The following SNTB1 variants were observed in gnomAD, a reference collection of about 807,000 sequenced individuals.
The protein encoded by SNTB1 is syntrophin beta 1.
Under a neutral mutation model 48.9 loss-of-function variants are expected in SNTB1, and 36 were observed. The ratio of observed to expected loss-of-function variants is 0.74; its 90% CI spans 0.56 to 0.97. SNTB1 has a LOEUF of 0.97. Ranked by LOEUF, SNTB1 falls within the 50% of genes least tolerant of loss-of-function variation. SNTB1 has a pLI of 0.00. For missense variants in SNTB1, 786 were observed against 703.4 expected (o/e 1.12, Z -1.33); for synonymous variants, 299 against 294.6 (o/e 1.01, Z -0.15).
intron 1 of SNTB1, among the ~76,000 whole-genome samples, chr8:120,744,057 G>A (rs983026942): frequency 2.6e-5 from 4 of 151,302 alleles, no homozygotes; most frequent in African/African-American, 9.7e-5. Context: ...TTGAGCCTAG[G>A]AGTTTGAGGC....
chr8:120,580,604 C>T (rs1371240342), intron 3 of SNTB1, among the ~76,000 whole-genome samples: 2 of 152,190 alleles, frequency 1.3e-5, no homozygotes, highest in African/African-American at 2.4e-5. Context: ...GAAGGGCCAT[C>T]ATGGCTTTTG....
rs542770350 is a variant in SNTB1, at chr8:120,540,783, G to A, written c.1524+1027C>T. On this transcript the variant is annotated intron_variant, in intron 6 of 6. Coordinates refer to ENST00000517992, the MANE Select transcript of SNTB1 (RefSeq NM_021021.4). ...AAACCAAGTGTCAGCCACGAGGAATGGCCTCCATCGTGGCTGCCTGTGGCG... is the reference window on the plus strand; with the variant it reads ...AAACCAAGTGTCAGCCACGAGGAATAGCCTCCATCGTGGCTGCCTGTGGCG... 2.6e-5 allele frequency among the ~76,000 whole-genome samples: 4 copies of A among 152,252 alleles called. No homozygotes were observed. The South Asian group carries it at 8.3e-4, about 32-fold the overall frequency.
At chr8:120,811,186 C>G in intron 1 of SNTB1, 87 bp downstream of exon 1, 1 of 1,493,534 alleles carries the variant, frequency 6.7e-7, no homozygotes. Context: ...CGCATGTGGC[C>G]GAGTGAGTGT....
intron 1 of SNTB1, among the ~76,000 whole-genome samples, chr8:120,758,029 CT>C (rs1486172963): frequency 6.6e-6 from 1 of 152,128 alleles, no homozygotes; most frequent in East Asian, 1.9e-4. Context: ...TTTATCGCTT[CT>C]GCTAACCCTA....
intron 1 of SNTB1, among the ~76,000 whole-genome samples, chr8:120,755,187 AG>A (rs1168089189): frequency 1.5e-4 from 23 of 149,294 alleles, no homozygotes; most frequent in African/African-American, 5.7e-4. Context: ...AGAGAGAGAG[AG>A]CGAGAGAGAG....
chr8:120,738,723 G>T (rs1384307515), intron 1 of SNTB1, among the ~76,000 whole-genome samples: 2 of 152,084 alleles, frequency 1.3e-5, no homozygotes, highest in African/African-American at 4.8e-5. Flanking sequence ...GCACATAAAA[G>T]TCCTATGAAA....
intron 5 of SNTB1, among the ~76,000 whole-genome samples, chr8:120,546,864 C>T (rs896900589): frequency 3.9e-5 from 6 of 152,180 alleles, no homozygotes; most frequent in African/African-American, 9.7e-5. Flanking sequence ...CATCATTTCT[C>T]TCTGTATGTT....
intron 1 of SNTB1, among the ~76,000 whole-genome samples, chr8:120,712,971 C>T (rs191454777): frequency 2.9e-4 from 44 of 152,172 alleles, no homozygotes; most frequent in African/African-American, 8.7e-4. Flanking sequence ...GCCAGTACCC[C>T]GTCATGTGGT....
At chr8:120,805,447 T>C (rs532075771) in intron 1 of SNTB1, among the ~76,000 whole-genome samples, 1 of 152,166 alleles carries the variant, frequency 6.6e-6, no homozygotes, top group Admixed American at 6.5e-5. Flanking sequence ...AATGATTTGA[T>C]GTGAGAAGGA....
At chr8:120,779,004 A>G (rs550194500) in intron 1 of SNTB1, among the ~76,000 whole-genome samples, 145 of 152,254 alleles carry the variant, frequency 9.5e-4, no homozygotes, top group Non-Finnish European at 1.7e-3. Context: ...TCATTTATTT[A>G]TCAGGCCTCT....
At chr8:120,707,395 A>C (rs760054587) in intron 1 of SNTB1, among the ~76,000 whole-genome samples, 3 of 152,162 alleles carry the variant, frequency 2.0e-5, no homozygotes, top group Non-Finnish European at 4.4e-5. Flanking sequence ...GCCTTGCTTC[A>C]TACTCTCTCA....
At chr8:120,800,693 C>T (rs1280944680) in intron 1 of SNTB1, among the ~76,000 whole-genome samples, 2 of 151,950 alleles carry the variant, frequency 1.3e-5, no homozygotes, top group African/African-American at 4.8e-5. Flanking sequence ...TTTAATAAAT[C>T]TATTGTTGTA....
chr8:120,611,591 G>C (rs552876228), intron 3 of SNTB1, among the ~76,000 whole-genome samples: 1 of 151,832 alleles, frequency 6.6e-6, no homozygotes, highest in South Asian at 2.1e-4. Flanking sequence ...TGGGAGGCGA[G>C]GTGGGCAGAT....
intron 1 of SNTB1, among the ~76,000 whole-genome samples, chr8:120,782,299 G>A (rs1418874646): frequency 2.6e-5 from 4 of 152,204 alleles, no homozygotes; most frequent in Non-Finnish European, 5.9e-5. Flanking sequence ...TGAGATACTG[G>A]AGTTAAGATT....
chr8:120,803,276 T>A (rs1231653332), intron 1 of SNTB1, among the ~76,000 whole-genome samples: 13 of 152,182 alleles, frequency 8.5e-5, no homozygotes, highest in Non-Finnish European at 5.9e-5. Context: ...TTCCATCTTG[T>A]CTTTCCCTGT....
At chr8:120,760,837 G>GA (rs910828971) in intron 1 of SNTB1, among the ~76,000 whole-genome samples, 1 of 151,620 alleles carries the variant, frequency 6.6e-6, no homozygotes, top group African/African-American at 2.4e-5. Context: ...ACTAAGGGGT[G>GA]AAAAAAACCC....
At position 120,786,125 on chromosome 8, in the gene SNTB1, G is replaced by A. The variant is rs1042177888; in HGVS notation, c.571+25148C>T. On this transcript the variant is annotated intron_variant, in intron 1 of 6. Coordinates refer to ENST00000517992, the MANE Select transcript of SNTB1 (RefSeq NM_021021.4). ...AGAGGACAGGTTATACCACTGAACC[G>A]TCTGCAGATATTCCCCAGCAACAGT... Among the ~76,000 whole-genome samples the A allele has an allele frequency of 1.8e-4, 28 of 152,172 alleles. No individual in the cohort carries two copies. The East Asian group carries it at 2.9e-3, about 16-fold the overall frequency.
intron 5 of SNTB1, among the ~76,000 whole-genome samples, chr8:120,544,790 CT>C (rs113100073): frequency 0.12 from 13,668 of 114,088 alleles, 468 homozygotes; most frequent in African/African-American, 0.22. Flanking sequence ...AAATTCAAAA[CT>C]TTTTTTTTTT....
chr8:120,725,024 C>T (rs1440672226), intron 1 of SNTB1, among the ~76,000 whole-genome samples: 1 of 152,190 alleles, frequency 6.6e-6, no homozygotes, highest in Non-Finnish European at 1.5e-5. Flanking sequence ...ATGAGCAGTT[C>T]CTTTAACCAG....
Sources: gnomAD v4.1 joint callset for allele counts (sites outside exome capture counted in the v4.1 genomes callset) on GRCh38, gnomAD v4.1.1 for gene constraint, MANE v1.5 for transcripts, NCBI Gene and HGNC (gene_info 2026-07-23, HGNC 2026-07-21) for gene names.